ENPP4: variants seen among roughly 807,000 people sequenced by gnomAD.
ENPP4 encodes bis(5'-adenosyl)-triphosphatase ENPP4.
A neutral mutation model predicts 33.4 loss-of-function variants in ENPP4; 18 were observed. The ratio of observed to expected loss-of-function variants is 0.54; its 90% CI spans 0.37 to 0.80. The LOEUF is 0.80. Among genes scored for constraint, ENPP4 ranks in the 30% least tolerant of loss-of-function variants. The pLI is 0.00. For synonymous variants in ENPP4, 172 were observed against 189.9 expected (o/e 0.91, Z 0.78); for missense variants, 480 against 541.7 (o/e 0.89, Z 1.13).
At position 46,140,127 on chromosome 6, in the gene ENPP4, A is replaced by T. The variant is rs146052692; in HGVS notation, c.544A>T (p.Thr182Ser). The T allele has an allele frequency of 6.9e-4, 1,107 of 1,612,662 alleles. 8 individuals carry two copies. The African/African-American group carries it at 0.012, about 18-fold the overall frequency. The change falls in exon 2 of 4, where the codon ACA becomes TCA. Residue 182 changes from threonine to serine, a missense_variant. Around this residue, in one of 3 missense-constraint regions of ENPP4, gnomAD observed 227 missense variants for 273.7 expected, o/e 0.83. Transcript: ENST00000321037. ...NNSNPPVTFA[T>S]LYWEEPDASG... ...TTCGAACCCACCAGTCACCTTTGCAACACTATATTGGGAAGAACCAGATGC... is the reference window on the plus strand; with the variant it reads ...TTCGAACCCACCAGTCACCTTTGCATCACTATATTGGGAAGAACCAGATGC...
chr6:46,131,288 T>A (rs1469155167), intron 1 of ENPP4, among the ~76,000 whole-genome samples: 2 of 152,096 alleles, frequency 1.3e-5, no homozygotes, highest in East Asian at 3.9e-4. Flanking sequence ...TAGGTATATC[T>A]CCCAATGCCA....
intron 1 of ENPP4, among the ~76,000 whole-genome samples, chr6:46,134,705 A>T (rs143650855): frequency 1.3e-5 from 2 of 152,208 alleles, no homozygotes; most frequent in African/African-American, 4.8e-5. Flanking sequence ...ATAATATTTT[A>T]TTGAGATATA....
At chr6:46,132,641 CT>C (rs1039593045) in intron 1 of ENPP4, among the ~76,000 whole-genome samples, 126 of 152,184 alleles carry the variant, frequency 8.3e-4, no homozygotes, top group African/African-American at 2.8e-3. Flanking sequence ...GATGCGGGCT[CT>C]TTTTTGGTTC....
chr6:46,141,352 T>C (rs1764060687), intron 3 of ENPP4, 130 bp downstream of exon 3: 1 of 605,748 alleles, frequency 1.7e-6, no homozygotes, highest in African/African-American at 2.0e-5. Flanking sequence ...TTCAACCAGA[T>C]AATTCCCAGG....
intron 3 of ENPP4, 72 bp from the exon 4 acceptor site, chr6:46,143,204 T>C: frequency 7.1e-7 from 1 of 1,409,460 alleles, no homozygotes; most frequent in Non-Finnish European, 9.6e-7. Context: ...TGAATGTTTA[T>C]ATACTAGAAG....
chr6:46,137,958 A>G (rs143833516), intron 1 of ENPP4, among the ~76,000 whole-genome samples: 288 of 151,890 alleles, frequency 1.9e-3, no homozygotes, highest in African/African-American at 6.5e-3. Flanking sequence ...AAGTGTTTCC[A>G]GTCTACTTGA....
intron 1 of ENPP4, among the ~76,000 whole-genome samples, chr6:46,139,218 T>G (rs1764019147): frequency 6.6e-6 from 1 of 151,734 alleles, no homozygotes; most frequent in African/African-American, 2.4e-5. Flanking sequence ...TACAAAAGAA[T>G]CATTTTAGTG....
At chr6:46,130,478 C>T (rs368992978) in intron 1 of ENPP4, among the ~76,000 whole-genome samples, 5 of 152,084 alleles carry the variant, frequency 3.3e-5, no homozygotes, top group Non-Finnish European at 7.4e-5. Context: ...GTCAGCCGAA[C>T]GGTAGTGGAG....
At chr6:46,140,433 A>G in intron 2 of ENPP4, 24 bp downstream of exon 2, 1 of 1,368,530 alleles carries the variant, frequency 7.3e-7, no homozygotes, top group Non-Finnish European at 1.0e-6. Flanking sequence ...CAACTGAGGG[A>G]TACTATTATT....
intron 1 of ENPP4, among the ~76,000 whole-genome samples, chr6:46,131,266 A>G (rs1763892971): frequency 6.6e-6 from 1 of 152,104 alleles, no homozygotes; most frequent in Admixed American, 6.5e-5. Flanking sequence ...CCACTAACCC[A>G]TCATCTAGCA....
At chr6:46,137,209 GA>G (rs1290709581) in intron 1 of ENPP4, among the ~76,000 whole-genome samples, 2 of 151,802 alleles carry the variant, frequency 1.3e-5, no homozygotes, top group African/African-American at 4.8e-5. Flanking sequence ...GATTGGTTGG[GA>G]ATATAAAATA....
In ENPP4 at chr6:46,141,084, T is replaced by C; in HGVS notation, c.859T>C (p.Cys287Arg). 1 of 1,606,586 alleles carries C rather than the reference T, an allele frequency of 6.2e-7. No individual in the cohort carries two copies. Among genetic ancestry groups the C allele is most frequent in the East Asian group, 2.2e-5 (1 of 44,720 alleles). The change falls in exon 3 of 4, where the codon TGT (cysteine) becomes CGT (arginine). Residue 287 changes from cysteine (C) to arginine (R), a missense_variant. This residue lies in a region of ENPP4 where 249 missense variants were observed against 251.8 expected (regional missense o/e 0.99). Coordinates refer to ENST00000321037, the MANE Select transcript of ENPP4 (RefSeq NM_014936.5). ...RTEVYNKLKN[C>R]SPHMNVYLKE... ...AGAGGTTTATAACAAACTGAAAAACTGTAGCCCTCATATGAATGTTTATCT... is the reference window on the plus strand; with the variant it reads ...AGAGGTTTATAACAAACTGAAAAACCGTAGCCCTCATATGAATGTTTATCT...
chr6:46,138,727 A>C (rs1374160326), intron 1 of ENPP4, among the ~76,000 whole-genome samples: 3 of 151,888 alleles, frequency 2.0e-5, no homozygotes, highest in Non-Finnish European at 4.4e-5. Context: ...AAGAAGATAG[A>C]GAGCAAAGGC....
intron 1 of ENPP4, among the ~76,000 whole-genome samples, chr6:46,139,089 G>A (rs1249727531): frequency 6.6e-6 from 1 of 151,568 alleles, no homozygotes; most frequent in East Asian, 1.9e-4. Flanking sequence ...AAACCAATAT[G>A]GTAGAATTTC....
chr6:46,142,177 G>A (rs1019007170), intron 3 of ENPP4, among the ~76,000 whole-genome samples: 7 of 150,958 alleles, frequency 4.6e-5, no homozygotes, highest in Non-Finnish European at 7.4e-5. Flanking sequence ...GTTGACAACC[G>A]AAAGTATAGA....
At position 46,139,815 on chromosome 6, in the gene ENPP4, G is replaced by C; in HGVS notation, c.232G>C (p.Val78Leu). The C allele has an allele frequency of 6.2e-7, 1 of 1,612,418 alleles. No homozygotes were observed. The highest frequency in any genetic ancestry group is 1.1e-5 in the South Asian group (1 of 91,050). The change falls in exon 2 of 4, where the codon GTG becomes CTG. Residue 78 changes from valine (V) to leucine (L), a missense_variant. By Grantham distance (32) the Val-to-Leu change is conservative (BLOSUM62 1). This residue lies in a region of ENPP4 where 227 missense variants were observed against 273.7 expected (regional missense o/e 0.83). Transcript: ENST00000321037. ...TKTFPNHYSI[V>L]TGLYEESHGI... ...AACATTTCCAAACCACTACAGTATTGTGACAGGCTTGTATGAAGAAAGCCA... is the reference window on the plus strand; with the variant it reads ...AACATTTCCAAACCACTACAGTATTCTGACAGGCTTGTATGAAGAAAGCCA...
intron 2 of ENPP4, 22 bp downstream of exon 2, chr6:46,140,431 G>GTAAA (rs772185295): frequency 3.6e-6 from 5 of 1,395,858 alleles, no homozygotes; most frequent in Non-Finnish European, 4.9e-6. Context: ...TTCAACTGAG[G>GTAAA]GATACTATTA....
At chr6:46,141,427 A>G (rs971711774) in intron 3 of ENPP4, among the ~76,000 whole-genome samples, 2 of 151,712 alleles carry the variant, frequency 1.3e-5, no homozygotes, top group African/African-American at 2.4e-5. Flanking sequence ...TAAATTTAAG[A>G]GTGAAGGCAA....
chr6:46,140,197 G>T lies in ENPP4; in HGVS notation c.614G>T (p.Arg205Ile). 6.2e-7 allele frequency: 1 copy of T among 1,612,578 alleles called. No homozygotes were observed. ...CCTGAAGATAAAGAAAACATGAGCA[G>T]AGTGTTGAAAAAAATAGATGATCTT... is the stretch of plus-strand genomic sequence containing the variant. Reference protein sequence around the residue: ...YGPEDKENMSRVLKKIDDLIG... With the variant: ...YGPEDKENMSIVLKKIDDLIG... The change falls in exon 2 of 4, where the codon AGA becomes ATA. Residue 205 changes from arginine (R) to isoleucine (I), a missense_variant. By Grantham distance (97) the Arg-to-Ile change is moderately conservative. Transcript: ENST00000321037.
Sources: gnomAD v4.1 joint callset for allele counts (sites outside exome capture counted in the v4.1 genomes callset) on GRCh38, gnomAD v4.1.1 for gene constraint, gnomAD v4.1.1 regional missense constraint, MANE v1.5 for transcripts, NCBI Gene and HGNC (gene_info 2026-07-23, HGNC 2026-07-21) for gene names.